SENP2: variants seen among roughly 807,000 people sequenced by gnomAD.
The protein encoded by SENP2 is sentrin-specific protease 2.
A neutral mutation model predicts 86.3 loss-of-function variants in SENP2; 16 were observed. The ratio of observed to expected loss-of-function variants is 0.19; its 90% CI spans 0.13 to 0.28. SENP2 has a LOEUF of 0.28. Ranked by LOEUF, SENP2 falls within the 10% of genes least tolerant of loss-of-function variation. SENP2 has a pLI of 1.00. For synonymous variants in SENP2, 222 were observed against 238.7 expected (o/e 0.93, Z 0.64); for missense variants, 552 against 703.0 (o/e 0.79, Z 2.43).
intron 9 of SENP2, 46 bp downstream of exon 9, chr3:185,612,704 T>C: frequency 1.5e-6 from 2 of 1,356,392 alleles, no homozygotes; most frequent in Non-Finnish European, 2.1e-6. Context: ...ATATATATTT[T>C]CTTACTTTAT....
intron 12 of SENP2, 79 bp from the exon 13 acceptor site, chr3:185,619,220 T>C: frequency 9.6e-7 from 1 of 1,043,452 alleles, no homozygotes; most frequent in South Asian, 1.3e-5. Context: ...ACCTTCGAAT[T>C]CATCCTTATT....
At position 185,632,221 on chromosome 3, in the gene SENP2, TTTG is replaced by T. The variant is rs1482588742; in HGVS notation, c.*2380_*2382del. On this transcript the variant is annotated 3_prime_UTR_variant, in exon 17 of 17. Transcript: ENST00000296257. ...CACCATTAAAGCCAGTGGTTTTTTTTTTGTTTTTTTTTTTTGTTTTTTTTTTTT... is the reference window on the plus strand; with the variant it reads ...CACCATTAAAGCCAGTGGTTTTTTTTTTTTTTTTTTTTGTTTTTTTTTTTT... The T allele has an allele frequency of 1.8e-4, 12 of 67,064 alleles. No homozygotes were observed. Among genetic ancestry groups the T allele is most frequent in the Non-Finnish European group, 3.2e-4 (10 of 31,196 alleles). The allele number at this position is 67,064 out of a possible 1,614,324, so 4.2% of individuals were successfully genotyped here.
intron 11 of SENP2, 52 bp downstream of exon 11, chr3:185,614,792 A>AG: frequency 2.6e-6 from 4 of 1,532,978 alleles, no homozygotes; most frequent in Non-Finnish European, 3.6e-6. Flanking sequence ...AAATAACCTC[A>AG]GTTATTCTAA....
chr3:185,620,209 T>G (rs4267671), intron 13 of SENP2, among the ~76,000 whole-genome samples: 12,991 of 152,020 alleles, frequency 0.085, 870 homozygotes, highest in South Asian at 0.34. Flanking sequence ...ACTACAGACA[T>G]GCACCACTAT....
intron 3 of SENP2, 31 bp downstream of exon 3, chr3:185,598,576 C>G: frequency 6.3e-7 from 1 of 1,597,968 alleles, no homozygotes; most frequent in Non-Finnish European, 8.6e-7. Context: ...ATTAGGAATA[C>G]TGATCTTTAT....
intron 16 of SENP2, among the ~76,000 whole-genome samples, chr3:185,627,905 A>G (rs973408964): frequency 2.6e-5 from 4 of 152,216 alleles, no homozygotes; most frequent in African/African-American, 4.8e-5. Context: ...TATGTATTCC[A>G]TGAATACAAA....
intron 13 of SENP2, among the ~76,000 whole-genome samples, chr3:185,621,044 C>A (rs893171248): frequency 6.7e-6 from 1 of 149,592 alleles, no homozygotes; most frequent in African/African-American, 2.5e-5. Flanking sequence ...TGGTGGTGCA[C>A]ACCTGTGAGA....
In SENP2 at chr3:185,614,640, G is replaced by A. The variant is rs138853881; in HGVS notation, c.1010G>A (p.Gly337Asp). Residue 337 changes from glycine to aspartate, a missense_variant, in exon 11 of 17, where the codon GGC becomes GAC. Physicochemically the swap from Gly to Asp is moderately conservative, Grantham distance 94 (BLOSUM62 -1). Coordinates refer to ENST00000296257, the MANE Select transcript of SENP2 (RefSeq NM_021627.3). ...ARLRLGSGSN[G>D]LLRRKVSIIE... The stretch of plus-strand genomic sequence containing the variant: ...CTCCGCCTGGGCAGTGGAAGCAATG[G>A]CTTACTCAGGAGGAAAGTGTCAATA... 300 of 1,614,220 alleles carry A rather than the reference G, an allele frequency of 1.9e-4. 1 individual carries two copies. The highest frequency in any genetic ancestry group is 2.4e-4 in the Non-Finnish European group (281 of 1,180,032).
intron 2 of SENP2, among the ~76,000 whole-genome samples, chr3:185,595,010 C>T (rs1432400390): frequency 6.6e-6 from 1 of 152,098 alleles, no homozygotes. Context: ...AGGTGTGAGC[C>T]ACCGTACCTG....
rs1712425932 is a variant in SENP2, at chr3:185,630,889, G to A, written c.*1045G>A. ...TCCATCCCCACTGAAATTTGTGGAA[G>A]AAAATTTAGTACTTGGCTCTGAGGT... On this transcript the variant is annotated 3_prime_UTR_variant, in exon 17 of 17. Transcript: ENST00000296257. The A allele has an allele frequency of 6.6e-6, 1 of 152,276 alleles. No homozygotes were observed. Among genetic ancestry groups the A allele is most frequent in the East Asian group, 1.9e-4 (1 of 5,198 alleles). 9.4% of individuals were successfully genotyped at this position (152,276 alleles called of 1,614,324 possible).
chr3:185,595,900 C>T (rs531852710), intron 2 of SENP2, among the ~76,000 whole-genome samples: 3 of 151,220 alleles, frequency 2.0e-5, no homozygotes, highest in Admixed American at 6.6e-5. Flanking sequence ...TCCCGGGTTC[C>T]AACGATTCTT....
intron 15 of SENP2, among the ~76,000 whole-genome samples, chr3:185,625,270 C>T (rs1353520111): frequency 6.6e-6 from 1 of 152,064 alleles, no homozygotes; most frequent in Non-Finnish European, 1.5e-5. Flanking sequence ...TGCCACCACG[C>T]CTGGCTAATT....
intron 16 of SENP2, among the ~76,000 whole-genome samples, chr3:185,628,947 C>T (rs952432316): frequency 2.0e-5 from 3 of 152,164 alleles, no homozygotes. Context: ...CAAAACATCT[C>T]ATTGTTTCAT....
chr3:185,587,931 G>A (rs1386992567), intron 1 of SENP2, among the ~76,000 whole-genome samples: 3 of 149,662 alleles, frequency 2.0e-5, no homozygotes, highest in Non-Finnish European at 3.0e-5. Flanking sequence ...AGTAGAGACG[G>A]GGTTTCACCA....
At chr3:185,606,920 AAG>A (rs985245554) in intron 6 of SENP2, 3 of 340,190 alleles carry the variant, frequency 8.8e-6, no homozygotes, top group Non-Finnish European at 1.7e-5. Context: ...AAAGACTAAA[AAG>A]AATTTTTAAT....
intron 10 of SENP2, 35 bp from the exon 11 acceptor site, chr3:185,614,529 A>G: frequency 1.3e-6 from 2 of 1,560,604 alleles, no homozygotes; most frequent in Non-Finnish European, 1.7e-6. Flanking sequence ...CAAGTATCAA[A>G]CATGTCAGTA....
chr3:185,596,412 G>C (rs543960871), intron 2 of SENP2, among the ~76,000 whole-genome samples: 1 of 152,090 alleles, frequency 6.6e-6, no homozygotes, highest in Admixed American at 6.6e-5. Context: ...TTGAGCCCAG[G>C]AGTTCCAGAC....
intron 2 of SENP2, among the ~76,000 whole-genome samples, chr3:185,598,188 A>G (rs932157623): frequency 1.3e-5 from 2 of 150,700 alleles, no homozygotes; most frequent in African/African-American, 4.9e-5. Flanking sequence ...AATTTTTTGT[A>G]CAAATGGGGT....
intron 1 of SENP2, among the ~76,000 whole-genome samples, chr3:185,587,961 GAACTCCTGACCT>G (rs1721850272): frequency 6.9e-6 from 1 of 145,888 alleles, no homozygotes; most frequent in African/African-American, 2.6e-5. Flanking sequence ...GGCTAGTCTT[GAACTCCTGACCT>G]CGTGATCCAC....
Sources: allele counts gnomAD v4.1 joint callset (sites outside exome capture counted in the v4.1 genomes callset), GRCh38; gene constraint gnomAD v4.1.1; transcripts MANE v1.5; gene names NCBI Gene and HGNC (gene_info 2026-07-23, HGNC 2026-07-21).